Variants in SVOP observed in about 807,000 individuals in gnomAD.
SVOP encodes SV2 related protein, also known as synaptic vesicle 2-related protein.
A neutral mutation model predicts 69.1 loss-of-function variants in SVOP; 17 were observed. The observed-to-expected ratio is 0.25, with a 90% CI of 0.17 to 0.37. The LOEUF is 0.37. SVOP is among the 10% of genes least tolerant of loss of function. The pLI is 1.00. For missense variants in SVOP, 435 were observed against 597.5 expected, an observed-to-expected ratio of 0.73 and a Z score of 2.84; for synonymous variants, 238 against 238.6, an observed-to-expected ratio of 1.00 and a Z score of 0.02.
chr12:108,982,535 A>G (rs1321954952), intron 2 of SVOP, among the ~76,000 whole-genome samples: 1 of 150,030 alleles, frequency 6.7e-6, no homozygotes, highest in Non-Finnish European at 1.5e-5. Context: ...CACCACCATC[A>G]TTTTCATCAT....
At chr12:109,001,414 C>T (rs1345838803) in intron 1 of SVOP, among the ~76,000 whole-genome samples, 1 of 151,460 alleles carries the variant, frequency 6.6e-6, no homozygotes, top group East Asian at 1.9e-4. Flanking sequence ...ATGCCATCCC[C>T]ATAAAGCTAC....
intron 13 of SVOP, 126 bp from the exon 14 acceptor site, chr12:108,918,250 T>C (rs2039726374): frequency 1.6e-6 from 1 of 616,726 alleles, no homozygotes; most frequent in Non-Finnish European, 2.7e-6. Context: ...CGATGCTCAT[T>C]GATACAGACA....
At chr12:109,011,023 T>TC in intron 1 of SVOP, among the ~76,000 whole-genome samples, 1 of 152,286 alleles carries the variant, frequency 6.6e-6, no homozygotes, top group Middle Eastern at 3.4e-3. Flanking sequence ...CAAGCGATTC[T>TC]CATGCCTCAG....
At chr12:108,991,565 C>T (rs1303072677) in intron 1 of SVOP, among the ~76,000 whole-genome samples, 3 of 152,008 alleles carry the variant, frequency 2.0e-5, no homozygotes, top group Non-Finnish European at 2.9e-5. Flanking sequence ...AAGCAATCCT[C>T]GTGCCTTGGC....
chr12:108,954,854 A>C (rs2039976635), intron 6 of SVOP, among the ~76,000 whole-genome samples: 1 of 151,952 alleles, frequency 6.6e-6, no homozygotes, highest in Non-Finnish European at 1.5e-5. Context: ...ATACAGTTAG[A>C]CCCCGATCTC....
chr12:109,002,636 T>G (rs1593206350), intron 1 of SVOP, among the ~76,000 whole-genome samples: 1 of 151,432 alleles, frequency 6.6e-6, no homozygotes, highest in Non-Finnish European at 1.5e-5. Context: ...CCATAAAAAA[T>G]GATGAGTTCA....
At chr12:108,973,313 C>T (rs1212894730) in intron 4 of SVOP, among the ~76,000 whole-genome samples, 1 of 152,140 alleles carries the variant, frequency 6.6e-6, no homozygotes, top group Non-Finnish European at 1.5e-5. Flanking sequence ...TGTGGCATGT[C>T]CGAGGGCAGG....
chr12:108,976,384 A>G (rs2040106434), intron 4 of SVOP, among the ~76,000 whole-genome samples: 1 of 152,106 alleles, frequency 6.6e-6, no homozygotes, highest in Non-Finnish European at 1.5e-5. Flanking sequence ...ACTGATGCAG[A>G]TCACAGACCT....
chr12:108,923,249 G>C (rs1230055275), intron 11 of SVOP, among the ~76,000 whole-genome samples: 2 of 152,156 alleles, frequency 1.3e-5, no homozygotes, highest in Non-Finnish European at 2.9e-5. Context: ...GGATGTATGT[G>C]ATTGCATTAA....
intron 4 of SVOP, among the ~76,000 whole-genome samples, chr12:108,973,476 C>T (rs1178855242): frequency 1.3e-5 from 2 of 152,334 alleles, no homozygotes; most frequent in Admixed American, 1.3e-4. Context: ...ACTGCAGCCT[C>T]AGCCTCCTGG....
Position 108,983,760 on chromosome 12 carries a change from C to T in SVOP, c.37G>A (p.Val13Ile), listed in dbSNP as rs1327646358. The T allele has an allele frequency of 1.0e-5, 4 of 398,690 alleles. No individual in the cohort carries two copies. Among genetic ancestry groups the T allele is most frequent in the African/African-American group, 2.1e-5 (1 of 48,650 alleles). The allele number at this position is 398,690 out of a possible 1,614,324, so 24.7% of individuals were successfully genotyped here. ...TCGCCTGTGCGACGGAATTTCACAA[C>T]CCTAGAGAACAGAACAAATCTGGTC... ...EDLFQLRQLP[V>I]VKFRRTGESA... The change falls in exon 2 of 16, where the codon GTT becomes ATT. Residue 13 changes from valine to isoleucine, a missense_variant and splice_region_variant. By Grantham distance (29) the Val-to-Ile change is conservative. Coordinates refer to ENST00000610966, the MANE Select transcript of SVOP (RefSeq NM_018711.5).
intron 11 of SVOP, among the ~76,000 whole-genome samples, chr12:108,932,941 C>T (rs12318324): frequency 0.12 from 18,170 of 152,050 alleles, 1,596 homozygotes; most frequent in East Asian, 0.27. Flanking sequence ...TGCAGTGGTG[C>T]AATCTCTGCT....
intron 13 of SVOP, among the ~76,000 whole-genome samples, chr12:108,919,312 C>G (rs2039734081): frequency 7.6e-6 from 1 of 132,280 alleles, no homozygotes; most frequent in Non-Finnish European, 1.8e-5. Flanking sequence ...AATACCCACA[C>G]CTGGGCCTGC....
intron 6 of SVOP, among the ~76,000 whole-genome samples, chr12:108,954,213 C>T (rs2039973358): frequency 6.6e-6 from 1 of 151,268 alleles, no homozygotes; most frequent in Non-Finnish European, 1.5e-5. Flanking sequence ...CATTTACTAG[C>T]TATGTGACCT....
In SVOP at chr12:108,990,694, A is replaced by T. The variant is rs879506893; in HGVS notation, c.36-6933T>A. ...ATAAAATAAAATAAAACAAAACAGA[A>T]AAATAAATAAATAAATAAATAAACA... is the stretch of plus-strand genomic sequence containing the variant. On this transcript the variant is annotated intron_variant, in intron 1 of 15. Coordinates refer to ENST00000610966, the MANE Select transcript of SVOP (RefSeq NM_018711.5). Among the ~76,000 whole-genome samples the T allele has an allele frequency of 4.8e-4, 71 of 148,394 alleles. No homozygotes were observed. The Middle Eastern group carries it at 0.01, about 22-fold the overall frequency.
At chr12:108,978,381 T>C in intron 3 of SVOP, 197 bp downstream of exon 3, 1 of 525,214 alleles carries the variant, frequency 1.9e-6, no homozygotes, top group Non-Finnish European at 3.4e-6. Context: ...TGGGGGCAAC[T>C]GCCAAACACA....
chr12:108,945,987 G>C (rs1263590335), intron 6 of SVOP, among the ~76,000 whole-genome samples: 1 of 152,214 alleles, frequency 6.6e-6, no homozygotes, highest in Non-Finnish European at 1.5e-5. Flanking sequence ...GAAGTATTCA[G>C]ATTATGCCAA....
intron 15 of SVOP, among the ~76,000 whole-genome samples, chr12:108,915,282 T>G (rs1056636994): frequency 1.3e-5 from 2 of 151,860 alleles, no homozygotes; most frequent in Admixed American, 1.3e-4. Context: ...AATGACCCCA[T>G]CCCCAGGTAG....
intron 11 of SVOP, chr12:108,926,604 C>T (rs942255645): frequency 2.0e-4 from 31 of 152,204 alleles, no homozygotes. Flanking sequence ...GTTACCTTCA[C>T]CTGTCATTGT....
Sources: allele counts gnomAD v4.1 joint callset (sites outside exome capture counted in the v4.1 genomes callset), GRCh38; gene constraint gnomAD v4.1.1; transcripts MANE v1.5; gene names NCBI Gene and HGNC (gene_info 2026-07-23, HGNC 2026-07-21).